COQ7: variants seen among roughly 807,000 people sequenced by gnomAD.
COQ7 encodes the protein coenzyme Q7, hydroxylase, also known as NADPH-dependent 3-demethoxyubiquinone 3-hydroxylase, mitochondrial.
Under a neutral mutation model 25.0 loss-of-function variants are expected in COQ7, and 21 were observed. The ratio of observed to expected loss-of-function variants is 0.84; its 90% CI spans 0.60 to 1.21. The LOEUF (loss-of-function observed/expected upper bound fraction) is 1.21, where lower values mean the gene tolerates loss of function less well. Among genes scored for constraint, COQ7 ranks in the 50% most tolerant of loss-of-function variants. The pLI, the probability that COQ7 is intolerant of heterozygous loss-of-function variation, is 0.00. For missense variants in COQ7, 311 were observed against 296.2 expected, an observed-to-expected ratio of 1.05 and a Z score of -0.37; for synonymous variants, 125 against 112.4, an observed-to-expected ratio of 1.11 and a Z score of -0.71.
downstream of COQ7, chr16:19,080,226 A>G (rs1388813283): frequency 6.6e-6 from 1 of 152,242 alleles, no homozygotes; most frequent in African/African-American, 2.4e-5. Context: ...TGGGGATGAC[A>G]TTAATAGTAG....
chr16:19,077,489 A>G (rs1962910096), intron 5 of COQ7, 115 bp downstream of exon 5: 2 of 796,992 alleles, frequency 2.5e-6, no homozygotes, highest in Non-Finnish European at 4.0e-6. Context: ...AAAGGGAGAG[A>G]AAACCAATGA....
chr16:19,071,724 A>G (rs756576078), intron 1 of COQ7: 5 of 590,628 alleles, frequency 8.5e-6, no homozygotes, highest in Non-Finnish European at 1.5e-5. Context: ...ATCTTCATAC[A>G]CTTAAAGTGA....
downstream of COQ7, chr16:19,080,219 G>T (rs1162943314): frequency 6.6e-6 from 1 of 152,112 alleles, no homozygotes; most frequent in African/African-American, 2.4e-5. Context: ...TAAAAATTGG[G>T]GATGACATTA....
chr16:19,075,516 C>G (rs1473126143), intron 3 of COQ7, among the ~76,000 whole-genome samples: 2 of 152,076 alleles, frequency 1.3e-5, no homozygotes, highest in Admixed American at 1.3e-4. Flanking sequence ...TTTTGATTGT[C>G]AAAACTTAGT....
In COQ7 at chr16:19,067,618, T is replaced by C; in HGVS notation, c.-47T>C. The C allele has an allele frequency of 1.2e-6, 2 of 1,608,642 alleles. No individual in the cohort carries two copies. The highest frequency in any genetic ancestry group is 1.7e-6 in the Non-Finnish European group (2 of 1,175,416). On this transcript the variant is annotated 5_prime_UTR_variant, in exon 1 of 6. Coordinates refer to ENST00000321998, the MANE Select transcript of COQ7 (RefSeq NM_016138.5). ...TCATCAGTCCGAGCCAAGGGCACTA[T>C]TGGCCAGTTCCGTTCAACGAAGTGG...
rs184578560 is a variant in COQ7, at chr16:19,073,408, C to T, written c.253-513C>T. On this transcript the variant is annotated intron_variant, in intron 2 of 5. Transcript: ENST00000321998. ...ATTTGAGAGGCCGAGGTGGGAGGAT[C>T]GCTTGATCCTGGAGGTTGAGGCTGC... Among the ~76,000 whole-genome samples the T allele has an allele frequency of 1.6e-4, 24 of 152,242 alleles. No individual in the cohort carries two copies. In the East Asian group the frequency reaches 4.2e-3, roughly 27 times the overall value.
chr16:19,075,725 G>A lies in COQ7; in HGVS notation c.372G>A (p.Ala124=), dbSNP rs767617457. The A allele has an allele frequency of 1.8e-5, 29 of 1,573,894 alleles. No individual in the cohort carries two copies. Among genetic ancestry groups the A allele is most frequent in the Admixed American group, 7.5e-5 (4 of 53,114 alleles). The change falls in exon 4 of 6, where the codon GCG becomes GCA. Residue 124 remains alanine, a synonymous_variant. Transcript: ENST00000321998. ...LWNVLGFALG[A]GTALLGKEGA... is the part of the protein sequence containing the mutation. Reference sequence around the variant, plus strand: ...GTCTGGGTTTAACAATCCCAGGGGCGGGGACCGCCTTGCTCGGGAAGGAAG... The same window carrying A: ...GTCTGGGTTTAACAATCCCAGGGGCAGGGACCGCCTTGCTCGGGAAGGAAG...
Position 19,067,729 on chromosome 16 carries a change from C to T in COQ7, c.65C>T (p.Ser22Phe), listed in dbSNP as rs761865174. The change falls in exon 1 of 6, where the codon TCC (serine) becomes TTC (phenylalanine). Residue 22 changes from serine to phenylalanine, a missense_variant. Ser to Phe is a radical substitution (Grantham distance 155). Transcript: ENST00000321998. ...CGGCTGCGCCCGGGGGCCCGGCGGT[C>T]CCTCTCAGGTAAAAGGAGGCGCGCA... ...LWRLRPGARR[S>F]LSAYGRRTSV... is the part of the protein sequence containing the mutation. 9.3e-6 allele frequency: 15 copies of T among 1,604,430 alleles called. No individual in the cohort carries two copies. The East Asian group carries it at 2.9e-4, about 31-fold the overall frequency.
downstream of COQ7, chr16:19,080,097 G>C (rs1462655131): frequency 6.6e-6 from 1 of 152,116 alleles, no homozygotes; most frequent in Admixed American, 6.6e-5. Context: ...TTTTCTTAAG[G>C]TACTGATCTG....
At chr16:19,071,647 A>T (rs1962562870) in intron 1 of COQ7, 5 of 421,842 alleles carry the variant, frequency 1.2e-5, no homozygotes. Context: ...GAACTGGAGA[A>T]CCATGCTCAT....
downstream of COQ7, among the ~76,000 whole-genome samples, chr16:19,081,097 ATGTTTTGTTTTT>A (rs1963090308): frequency 6.6e-6 from 1 of 152,144 alleles, no homozygotes; most frequent in Non-Finnish European, 1.5e-5. Flanking sequence ...AACTTTGCTG[ATGTTTTGTTTTT>A]CAGAGTCAAG....
chr16:19,072,021 A>C lies in COQ7; in HGVS notation c.167A>C (p.Asp56Ala), dbSNP rs753239685. The change falls in exon 2 of 6, where the codon GAT becomes GCT. Residue 56 changes from aspartate to alanine, a missense_variant. Transcript: ENST00000321998. ...GCTGTGGATCGAATAATCCGGGTGG[A>C]TCATGCAGGCGAATATGGAGCAAAC... ...RAAVDRIIRV[D>A]HAGEYGANRI... The C allele has an allele frequency of 1.6e-5, 26 of 1,614,120 alleles. No individual in the cohort carries two copies. The highest frequency in any genetic ancestry group is 2.1e-5 in the Non-Finnish European group (25 of 1,180,060).
chr16:19,070,749 CAAAA>C (rs935274619), intron 1 of COQ7, among the ~76,000 whole-genome samples: 2 of 131,036 alleles, frequency 1.5e-5, no homozygotes, highest in Non-Finnish European at 3.3e-5. Flanking sequence ...GAGTCTGTCT[CAAAA>C]AAAAAAAAAA....
intron 1 of COQ7, among the ~76,000 whole-genome samples, chr16:19,071,431 C>T (rs545941790): frequency 2.3e-4 from 35 of 152,350 alleles, no homozygotes; most frequent in African/African-American, 5.5e-4. Flanking sequence ...CCACCGCGCC[C>T]GGACAGGTGT....
intron 2 of COQ7, among the ~76,000 whole-genome samples, chr16:19,073,499 A>C (rs1962673055): frequency 6.6e-6 from 1 of 152,134 alleles, no homozygotes; most frequent in Non-Finnish European, 1.5e-5. Context: ...TCTGGAAACA[A>C]ACAAACCACA....
At chr16:19,075,538 G>T (rs1962788342) in intron 3 of COQ7, among the ~76,000 whole-genome samples, 183 bp from the exon 4 acceptor site, 1 of 152,130 alleles carries the variant, frequency 6.6e-6, no homozygotes, top group African/African-American at 2.4e-5. Flanking sequence ...GGCACTGCTG[G>T]CATCTAGTTG....
chr16:19,076,138 G>A (rs1962826966), intron 4 of COQ7, among the ~76,000 whole-genome samples: 1 of 152,028 alleles, frequency 6.6e-6, no homozygotes, highest in Non-Finnish European at 1.5e-5. Flanking sequence ...CCAGGCCGGA[G>A]TACAGTGGCA....
chr16:19,070,652 GAA>G (rs1017205456), intron 1 of COQ7, among the ~76,000 whole-genome samples: 1 of 151,932 alleles, frequency 6.6e-6, no homozygotes, highest in African/African-American at 2.4e-5. Context: ...TCTAGAGGCT[GAA>G]AAAGGAGAAT....
chr16:19,072,576 C>G (rs912898339), intron 2 of COQ7, among the ~76,000 whole-genome samples: 12 of 152,072 alleles, frequency 7.9e-5, no homozygotes, highest in Admixed American at 7.2e-4. Flanking sequence ...CTCTGGGTTT[C>G]CATTTCCGTA....
Sources: gnomAD v4.1 joint callset for allele counts (sites outside exome capture counted in the v4.1 genomes callset) on GRCh38, gnomAD v4.1.1 for gene constraint, MANE v1.5 for transcripts, NCBI Gene and HGNC (gene_info 2026-07-23, HGNC 2026-07-21) for gene names.